Variants in GLE1 observed in about 807,000 individuals in gnomAD.
GLE1 encodes the protein mRNA export factor GLE1.
Under a neutral mutation model 97.3 loss-of-function variants are expected in GLE1, and 78 were observed. That is an observed-to-expected ratio of 0.80 (90% CI 0.67 to 0.97). The LOEUF (loss-of-function observed/expected upper bound fraction) is 0.97, where lower values mean the gene tolerates loss of function less well. Ranked by LOEUF, GLE1 falls within the 50% of genes least tolerant of loss-of-function variation. The pLI, the probability that GLE1 is intolerant of heterozygous loss-of-function variation, is 0.00. For missense variants in GLE1, 753 were observed against 857.5 expected, an observed-to-expected ratio of 0.88 and a Z score of 1.52; for synonymous variants, 302 against 313.4, an observed-to-expected ratio of 0.96 and a Z score of 0.39.
intron 2 of GLE1, among the ~76,000 whole-genome samples, chr9:128,512,530 G>A (rs543036084): frequency 6.9e-4 from 105 of 152,276 alleles, no homozygotes; most frequent in African/African-American, 2.5e-3. Flanking sequence ...TTTTTAAAAA[G>A]TATTTTTATG....
At chr9:128,534,310 A>G (rs946860117) in intron 11 of GLE1, among the ~76,000 whole-genome samples, 2 of 152,166 alleles carry the variant, frequency 1.3e-5, no homozygotes, top group Non-Finnish European at 2.9e-5. Flanking sequence ...CGGAGGTCGC[A>G]GTGAGCCAAG....
chr9:128,523,345 G>T lies in GLE1; in HGVS notation c.642+5G>T. On this transcript the variant is annotated splice_donor_5th_base_variant and intron_variant, in intron 5 of 15. Coordinates refer to ENST00000309971, the MANE Select transcript of GLE1 (RefSeq NM_001003722.2). The stretch of plus-strand genomic sequence containing the variant: ...GAGCACCGTCACAGAGCAAAGGTCA[G>T]AGCCTGGCAGAATTGGTGTGGGTGT... The T allele has an allele frequency of 6.2e-7, 1 of 1,611,012 alleles. No individual in the cohort carries two copies. The highest frequency in any genetic ancestry group is 8.5e-7 in the Non-Finnish European group (1 of 1,177,182).
Position 128,536,394 on chromosome 9 carries a change from G to A in GLE1, c.1686G>A (p.Gln562=). Residue 562 remains glutamine, a synonymous_variant, in exon 12 of 16, where the codon CAG becomes CAA. Coordinates refer to ENST00000309971, the MANE Select transcript of GLE1 (RefSeq NM_001003722.2). ...GYQVKDSKVE[Q]QDNFLKRMSG... Reference sequence around the variant, plus strand: ...AAGTAAAGGATTCCAAAGTGGAGCAGCAAGACAACTTTCTAAAACGCATGT... The same window carrying A: ...AAGTAAAGGATTCCAAAGTGGAGCAACAAGACAACTTTCTAAAACGCATGT... The A allele has an allele frequency of 3.7e-6, 6 of 1,613,966 alleles. No individual in the cohort carries two copies. Among genetic ancestry groups the A allele is most frequent in the Non-Finnish European group, 5.1e-6 (6 of 1,179,918 alleles).
At chr9:128,533,736 A>C in intron 10 of GLE1, 25 bp from the exon 11 acceptor site, 1 of 1,613,566 alleles carries the variant, frequency 6.2e-7, no homozygotes, top group Non-Finnish European at 8.5e-7. Context: ...TTAAGTTAAA[A>C]TTGTACCCAC....
At chr9:128,524,838 C>T (rs546401840) in intron 6 of GLE1, among the ~76,000 whole-genome samples, 17 of 152,020 alleles carry the variant, frequency 1.1e-4, no homozygotes, top group Non-Finnish European at 5.9e-5. Context: ...GTTGCAATGA[C>T]CGAGATCTTG....
At position 128,541,190 on chromosome 9, in the gene GLE1, A is replaced by G; in HGVS notation, c.*20A>G. On this transcript the variant is annotated 3_prime_UTR_variant, in exon 16 of 16. Transcript: ENST00000309971. ...TCCTGATGTCACTCCATCACCCACC[A>G]TCACCGCTGCTGCAAAGAGGCAATA... The G allele has an allele frequency of 7.3e-7, 1 of 1,367,770 alleles. No homozygotes were observed. Among genetic ancestry groups the G allele is most frequent in the Non-Finnish European group, 1.0e-6 (1 of 954,802 alleles). The allele number at this position is 1,367,770 out of a possible 1,614,324, so 84.7% of individuals were successfully genotyped here. A position where few individuals can be genotyped will look rare whatever the true frequency, so the allele number is the denominator to read the frequency against.
rs1434442292 is a variant in GLE1, at chr9:128,525,208, CAG to C, written c.919_920del (p.Gln308SerfsTer2). 2.5e-6 allele frequency: 4 copies of C among 1,613,810 alleles called. No homozygotes were observed. The highest frequency in any genetic ancestry group is 1.3e-5 in the African/African-American group (1 of 75,036). Reference sequence around the variant, plus strand: ...CTCTGACAGAGCAGCTATCCCACAGCAGAGAGTCAAGCTGAGGCTGAGCGAGC... The same window carrying C: ...CTCTGACAGAGCAGCTATCCCACAGCAGAGTCAAGCTGAGGCTGAGCGAGC... On this transcript the variant is annotated frameshift_variant, in exon 7 of 16. Coordinates refer to ENST00000309971, the MANE Select transcript of GLE1 (RefSeq NM_001003722.2). LOFTEE classifies it high-confidence loss of function.
At chr9:128,513,177 C>T (rs909031593) in intron 2 of GLE1, among the ~76,000 whole-genome samples, 4 of 152,066 alleles carry the variant, frequency 2.6e-5, no homozygotes, top group African/African-American at 9.7e-5. Flanking sequence ...GGAACATCTA[C>T]ATTCTGCATC....
At chr9:128,517,662 A>G (rs749501720) in intron 3 of GLE1, among the ~76,000 whole-genome samples, 3 of 152,074 alleles carry the variant, frequency 2.0e-5, no homozygotes, top group Admixed American at 2.0e-4. Flanking sequence ...TGCCTAAGTT[A>G]ATCCTCTATA....
rs575688357 is a variant in GLE1, at chr9:128,531,125, G to A, written c.1313-2388G>A. On this transcript the variant is annotated intron_variant, in intron 9 of 15. Transcript: ENST00000309971. ...GCTACTCAGGAGGCTGAGGCAGGAG[G>A]ATCTCTTGAACCCAGGAGGCAGAAG... Among the ~76,000 whole-genome samples the A allele has an allele frequency of 1.5e-4, 22 of 145,056 alleles. No homozygotes were observed. The East Asian group carries it at 4.3e-3, about 29-fold the overall frequency.
chr9:128,534,870 C>T (rs1020672728), intron 11 of GLE1, among the ~76,000 whole-genome samples: 7 of 151,872 alleles, frequency 4.6e-5, no homozygotes, highest in Non-Finnish European at 1.0e-4. Flanking sequence ...AGGCGCCCAC[C>T]ACCACGCCCA....
At position 128,540,307 on chromosome 9, in the gene GLE1, G is replaced by T. The variant is rs1064793630; in HGVS notation, c.1997G>T (p.Gly666Val). The T allele has an allele frequency of 1.9e-6, 3 of 1,610,380 alleles. No homozygotes were observed. Among genetic ancestry groups the T allele is most frequent in the Non-Finnish European group, 2.5e-6 (3 of 1,176,746 alleles). The change falls in exon 15 of 16, where the codon GGC becomes GTC. Residue 666 changes from glycine (G) to valine (V), a missense_variant. Coordinates refer to ENST00000309971, the MANE Select transcript of GLE1 (RefSeq NM_001003722.2). ...IEAITSSGQMGSFIRLKQFLE... is the reference protein window; with the variant it reads ...IEAITSSGQMVSFIRLKQFLE... ...GCTATCACAAGCTCAGGACAGATGG[G>T]CTCCTTCATACGCCTCAAGCAGTTC...
At chr9:128,530,328 C>T (rs935882469) in intron 9 of GLE1, among the ~76,000 whole-genome samples, 1 of 152,190 alleles carries the variant, frequency 6.6e-6, no homozygotes, top group African/African-American at 2.4e-5. Flanking sequence ...TCTTTGTCTG[C>T]TGTTTTCTCT....
rs745831472 is a variant in GLE1 at position 128,541,195 on chromosome 9, C to T, written c.*25C>T. The T allele has an allele frequency of 2.0e-5, 26 of 1,319,034 alleles. No individual in the cohort carries two copies. The highest frequency in any genetic ancestry group is 5.0e-5 in the Admixed American group (3 of 59,662). The allele number at this position is 1,319,034 out of a possible 1,614,324, so 81.7% of individuals were successfully genotyped here. On this transcript the variant is annotated 3_prime_UTR_variant, in exon 16 of 16. Transcript: ENST00000309971. ...ATGTCACTCCATCACCCACCATCAC[C>T]GCTGCTGCAAAGAGGCAATAATAAA...
chr9:128,533,999 A>C (rs763932614), intron 11 of GLE1, 48 bp downstream of exon 11: 21 of 1,178,448 alleles, frequency 1.8e-5, no homozygotes, highest in Non-Finnish European at 2.6e-5. Context: ...TGATTAATGA[A>C]ATATAAATAG....
chr9:128,523,040 G>A (rs1341070837), intron 4 of GLE1, among the ~76,000 whole-genome samples: 4 of 152,210 alleles, frequency 2.6e-5, no homozygotes, highest in African/African-American at 4.8e-5. Context: ...TTTTACGGGC[G>A]TGGTGGAACA....
chr9:128,530,592 A>G (rs1847464497), intron 9 of GLE1, among the ~76,000 whole-genome samples: 2 of 152,126 alleles, frequency 1.3e-5, no homozygotes, highest in Admixed American at 6.6e-5. Context: ...AATAGGAGGG[A>G]AGGATCACCT....
In GLE1 at chr9:128,504,793, C is replaced by G. The variant is rs377441984; in HGVS notation, c.-13C>G. The G allele has an allele frequency of 7.0e-6, 11 of 1,569,446 alleles. No homozygotes were observed. The highest frequency in any genetic ancestry group is 8.8e-6 in the Non-Finnish European group (10 of 1,139,584). On this transcript the variant is annotated 5_prime_UTR_variant, in exon 1 of 16. Transcript: ENST00000309971. ...AGAAGGGGGGCGTCAGAGAAGCTGC[C>G]CCTTAGCCAACCATGCCGTCTGAGG... is the stretch of plus-strand genomic sequence containing the variant.
At chr9:128,518,169 T>TC (rs970167443) in intron 3 of GLE1, among the ~76,000 whole-genome samples, 13 of 151,994 alleles carry the variant, frequency 8.6e-5, no homozygotes, top group African/African-American at 3.1e-4. Flanking sequence ...TTTTTTTTTT[T>TC]CCGTATTCTG....
Sources: allele counts gnomAD v4.1 joint callset (sites outside exome capture counted in the v4.1 genomes callset), GRCh38; gene constraint gnomAD v4.1.1; transcripts MANE v1.5; gene names NCBI Gene and HGNC (gene_info 2026-07-23, HGNC 2026-07-21).